The following TRAPPC9 variants were observed in gnomAD, a reference collection of about 807,000 sequenced individuals.
TRAPPC9 encodes the protein trafficking protein particle complex subunit 9.
A neutral mutation model predicts 124.0 loss-of-function variants in TRAPPC9; 83 were observed. That is an observed-to-expected ratio of 0.67 (90% CI 0.56 to 0.80). The LOEUF (loss-of-function observed/expected upper bound fraction) is 0.80, where lower values mean the gene tolerates loss of function less well. Among genes scored for constraint, TRAPPC9 ranks in the 30% least tolerant of loss-of-function variants. TRAPPC9 has a pLI of 0.00. For missense variants in TRAPPC9, 1,302 were observed against 1,508.3 expected, an observed-to-expected ratio of 0.86 and a Z score of 2.27; for synonymous variants, 638 against 617.5, an observed-to-expected ratio of 1.03 and a Z score of -0.49.
chr8:139,845,998 G>A (rs906042956), intron 21 of TRAPPC9, among the ~76,000 whole-genome samples: 78 of 152,350 alleles, frequency 5.1e-4, no homozygotes, highest in African/African-American at 1.8e-3. Context: ...GGCTTCAGAG[G>A]ATGTGGGGAC....
chr8:139,854,859 G>A (rs527263278), intron 21 of TRAPPC9, among the ~76,000 whole-genome samples: 1 of 152,200 alleles, frequency 6.6e-6, no homozygotes, highest in East Asian at 1.9e-4. Context: ...GTTTCCCTAC[G>A]ACCTGCCTGG....
At chr8:139,829,640 C>T (rs1825845679) in intron 21 of TRAPPC9, among the ~76,000 whole-genome samples, 1 of 152,212 alleles carries the variant, frequency 6.6e-6, no homozygotes, top group African/African-American at 2.4e-5. Context: ...AACTCCTGCA[C>T]TCTGGGAGGG....
intron 18 of TRAPPC9, among the ~76,000 whole-genome samples, chr8:140,019,876 C>T (rs952770519): frequency 6.6e-6 from 1 of 152,038 alleles, no homozygotes; most frequent in Non-Finnish European, 1.5e-5. Context: ...TTTTAAGAGA[C>T]AGGCACCTTC....
intron 21 of TRAPPC9, among the ~76,000 whole-genome samples, chr8:139,804,396 CA>C (rs1823845578): frequency 7.6e-6 from 1 of 131,592 alleles, no homozygotes; most frequent in Non-Finnish European, 1.6e-5. Flanking sequence ...ACACCACCAC[CA>C]CACACACAAC....
In TRAPPC9 at chr8:139,788,416, G is replaced by C. The variant is rs1208436447; in HGVS notation, c.3056-56214C>G. Among the ~76,000 whole-genome samples the C allele has an allele frequency of 1.3e-5, 2 of 152,274 alleles. No homozygotes were observed. The highest frequency in any genetic ancestry group is 4.8e-5 in the African/African-American group (2 of 41,476). ...AACTGTTAACTATCAGGCAGGGCAA[G>C]GATGGCGGCTGCTGGGGAGGGAGAG... On this transcript the variant is annotated intron_variant, in intron 21 of 22. Coordinates refer to ENST00000438773, the MANE Select transcript of TRAPPC9 (RefSeq NM_001160372.4). The surrounding 1 kb of genome is among the most constrained non-coding windows in gnomAD (Gnocchi z 4.9).
At chr8:139,980,767 C>A (rs1836840239) in intron 19 of TRAPPC9, among the ~76,000 whole-genome samples, 1 of 152,206 alleles carries the variant, frequency 6.6e-6, no homozygotes, top group South Asian at 2.1e-4. Flanking sequence ...TTCATCTCAG[C>A]CCAGCAAGTG....
At position 140,341,398 on chromosome 8, in the gene TRAPPC9, C is replaced by T. The variant is rs2067189621; in HGVS notation, c.1495+18652G>A. ...AGGGGCCTACATAGCTGCCTGTTCC[C>T]ATTCATGCCATCAATAGACTGTGAC... is the stretch of plus-strand genomic sequence containing the variant. On this transcript the variant is annotated intron_variant, in intron 9 of 22. Coordinates refer to ENST00000438773, the MANE Select transcript of TRAPPC9 (RefSeq NM_001160372.4). 1.3e-5 allele frequency among the ~76,000 whole-genome samples: 2 copies of T among 152,136 alleles called. 1 individual carries two copies. The highest frequency in any genetic ancestry group is 4.1e-4 in the South Asian group (2 of 4,826).
chr8:140,298,483 T>C (rs2065873716), intron 11 of TRAPPC9, among the ~76,000 whole-genome samples: 1 of 151,924 alleles, frequency 6.6e-6, no homozygotes, highest in Non-Finnish European at 1.5e-5. Flanking sequence ...CAAAACTCCG[T>C]CTCTACAAAA....
intron 3 of TRAPPC9, among the ~76,000 whole-genome samples, chr8:140,435,985 A>G (rs777149651): frequency 6.6e-6 from 1 of 152,244 alleles, no homozygotes; most frequent in Non-Finnish European, 1.5e-5. Context: ...TGTGGGTTAC[A>G]CCTGTAGATA....
chr8:140,372,097 A>G (rs530434032), intron 7 of TRAPPC9, among the ~76,000 whole-genome samples: 1 of 152,282 alleles, frequency 6.6e-6, no homozygotes, highest in East Asian at 1.9e-4. Flanking sequence ...GCAAATAAGG[A>G]CATTAACAGC....
intron 21 of TRAPPC9, among the ~76,000 whole-genome samples, chr8:139,834,585 C>G (rs1231772260): frequency 6.6e-6 from 1 of 152,202 alleles, no homozygotes; most frequent in African/African-American, 2.4e-5. Context: ...GTCCTCAGGA[C>G]CAGTGCACTA....
chr8:140,258,340 A>G, intron 15 of TRAPPC9, among the ~76,000 whole-genome samples: 1 of 152,254 alleles, frequency 6.6e-6, no homozygotes, highest in East Asian at 1.9e-4. Context: ...ATTTCACTCA[A>G]AACTCCTCAC....
At chr8:139,980,465 C>A (rs1836814823) in intron 19 of TRAPPC9, among the ~76,000 whole-genome samples, 1 of 152,202 alleles carries the variant, frequency 6.6e-6, no homozygotes, top group Non-Finnish European at 1.5e-5. Context: ...CTGCCCTGCA[C>A]ACGAGCCATG....
rs78280030 is a variant in TRAPPC9, at chr8:139,890,934, C to T, written c.2965-4965G>A. 4.6e-5 allele frequency among the ~76,000 whole-genome samples: 7 copies of T among 152,058 alleles called. No individual in the cohort carries two copies. The East Asian group carries it at 1.2e-3, about 25-fold the overall frequency. On this transcript the variant is annotated intron_variant, in intron 20 of 22. Transcript: ENST00000438773. Reference sequence around the variant, plus strand: ...TGGGGACTGGCTCTCAAGAAGGGACCGCTGTTCAGCTCCGTGATTAGGCCA... The same window carrying T: ...TGGGGACTGGCTCTCAAGAAGGGACTGCTGTTCAGCTCCGTGATTAGGCCA...
chr8:140,208,395 T>C (rs1167004534), intron 17 of TRAPPC9, among the ~76,000 whole-genome samples: 2 of 152,322 alleles, frequency 1.3e-5, no homozygotes, highest in East Asian at 3.9e-4. Context: ...CCTCAAACTG[T>C]GGTCTCCACA....
chr8:140,083,636 G>A (rs1843987960), intron 17 of TRAPPC9, among the ~76,000 whole-genome samples: 1 of 150,526 alleles, frequency 6.6e-6, no homozygotes, highest in Non-Finnish European at 1.5e-5. Context: ...CCCACAGAAG[G>A]GTTTGGTGTT....
intron 21 of TRAPPC9, among the ~76,000 whole-genome samples, chr8:139,804,084 GCACCACCACCACCACTCAC>G (rs1347527243): frequency 7.7e-6 from 1 of 130,376 alleles, no homozygotes; most frequent in Non-Finnish European, 1.7e-5. Flanking sequence ...CCACCACGAC[GCACCACCACCACCACTCAC>G]CACCACCACC....
At chr8:140,192,983 G>A (rs1256358322) in intron 17 of TRAPPC9, among the ~76,000 whole-genome samples, 1 of 152,118 alleles carries the variant, frequency 6.6e-6, no homozygotes, top group Non-Finnish European at 1.5e-5. Context: ...TCACCATGTT[G>A]GTCAGGCTGG....
chr8:140,317,086 T>A lies in TRAPPC9; in HGVS notation c.1496-5712A>T, dbSNP rs78914282. 6.6e-3 allele frequency among the ~76,000 whole-genome samples: 1,013 copies of A among 152,332 alleles called. 30 individuals are homozygous for A. In the East Asian group the frequency reaches 0.11, roughly 16 times the overall value. ...TAAATTTCTCCTTTTTGATCTCTGATTTTATTGATTTGACATTTATTCTTT... is the reference window on the plus strand; with the variant it reads ...TAAATTTCTCCTTTTTGATCTCTGAATTTATTGATTTGACATTTATTCTTT... On this transcript the variant is annotated intron_variant, in intron 9 of 22. Coordinates refer to ENST00000438773, the MANE Select transcript of TRAPPC9 (RefSeq NM_001160372.4).
Sources: allele counts gnomAD v4.1 joint callset (sites outside exome capture counted in the v4.1 genomes callset), GRCh38; gene constraint gnomAD v4.1.1; non-coding constraint Gnocchi (gnomAD v3.1); transcripts MANE v1.5; gene names NCBI Gene and HGNC (gene_info 2026-07-23, HGNC 2026-07-21).